Variants in SPINK5 observed in about 807,000 individuals in gnomAD.
SPINK5 encodes serine peptidase inhibitor Kazal type 5, also known as serine protease inhibitor Kazal-type 5.
A neutral mutation model predicts 151.8 loss-of-function variants in SPINK5; 125 were observed. The ratio of observed to expected loss-of-function variants is 0.82; its 90% CI spans 0.71 to 0.96. The LOEUF (loss-of-function observed/expected upper bound fraction) is 0.96. Ranked by LOEUF, SPINK5 falls within the 40% of genes least tolerant of loss-of-function variation. The pLI, the probability that SPINK5 is intolerant of heterozygous loss-of-function variation, is 0.00. For synonymous variants in SPINK5, 374 were observed against 395.3 expected, an observed-to-expected ratio of 0.95 and a Z score of 0.64; for missense variants, 1,194 against 1,291.9, an observed-to-expected ratio of 0.92 and a Z score of 1.16.
In SPINK5 at chr5:148,137,089, T is replaced by C; in HGVS notation, c.*98T>C. ...TATACAAAGAATTCTTCGGAGCTTG[T>C]CTTATTTGCTATAGAAAACAATACA... is the stretch of plus-strand genomic sequence containing the variant. On this transcript the variant is annotated 3_prime_UTR_variant, in exon 33 of 33. Transcript: ENST00000256084. 1.3e-6 allele frequency: 2 copies of C among 1,495,226 alleles called. No homozygotes were observed. Among genetic ancestry groups the C allele is most frequent in the South Asian group, 1.1e-5 (1 of 88,510 alleles). 92.6% of individuals were successfully genotyped at this position (1,495,226 alleles called of 1,614,324 possible).
At chr5:148,114,237 C>T in intron 20 of SPINK5, 125 bp from the exon 21 acceptor site, 1 of 1,106,976 alleles carries the variant, frequency 9.0e-7, no homozygotes, top group South Asian at 1.4e-5. Flanking sequence ...ACTATAACTG[C>T]CAGAAAAAAA....
At chr5:148,126,307 A>AATGATGATGATGATGATG (rs10653454) in intron 29 of SPINK5, among the ~76,000 whole-genome samples, 4 of 150,582 alleles carry the variant, frequency 2.7e-5, no homozygotes, top group African/African-American at 9.7e-5. Flanking sequence ...GGACATTATA[A>AATGATGATGATGATGATG]ATGATGATGA....
At chr5:148,090,557 C>T (rs1753282670) in intron 7 of SPINK5, 1 of 151,772 alleles carries the variant, frequency 6.6e-6, no homozygotes, top group African/African-American at 2.4e-5. Flanking sequence ...GTTTCTTACT[C>T]TGTGGAACTG....
At chr5:148,091,316 C>A in intron 8 of SPINK5, 88 bp downstream of exon 8, 1 of 1,082,224 alleles carries the variant, frequency 9.2e-7, no homozygotes, top group African/African-American at 1.6e-5. Context: ...GAAATAAAGT[C>A]ATTGTCTTTT....
intron 28 of SPINK5, chr5:148,125,055 C>A: frequency 1.6e-6 from 1 of 634,626 alleles, no homozygotes; most frequent in Non-Finnish European, 2.4e-6. Context: ...GAGTGTGTGT[C>A]TATTATTGTT....
At chr5:148,074,266 T>G (rs887707493) in intron 4 of SPINK5, among the ~76,000 whole-genome samples, 2 of 151,792 alleles carry the variant, frequency 1.3e-5, no homozygotes, top group Non-Finnish European at 2.9e-5. Context: ...TATGTCATCC[T>G]TTCATTTCCC....
intron 19 of SPINK5, among the ~76,000 whole-genome samples, chr5:148,112,348 A>G (rs1244431063): frequency 1.3e-5 from 2 of 152,012 alleles, no homozygotes; most frequent in Non-Finnish European, 2.9e-5. Context: ...CTGGTTTGCT[A>G]TGGCATGTGC....
chr5:148,107,297 A>G, intron 17 of SPINK5, 133 bp downstream of exon 17: 1 of 1,222,830 alleles, frequency 8.2e-7, no homozygotes, highest in Non-Finnish European at 1.2e-6. Flanking sequence ...GATGGATAAG[A>G]CATTAAGTAA....
intron 26 of SPINK5, among the ~76,000 whole-genome samples, chr5:148,123,142 A>G (rs1338231763): frequency 2.0e-5 from 3 of 151,504 alleles, no homozygotes; most frequent in Non-Finnish European, 2.9e-5. Context: ...TGAGGCCAAG[A>G]GTTTAAGATC....
At chr5:148,131,585 A>G (rs1220763528) in intron 31 of SPINK5, among the ~76,000 whole-genome samples, 196 bp downstream of exon 31, 2 of 152,220 alleles carry the variant, frequency 1.3e-5, no homozygotes, top group Non-Finnish European at 2.9e-5. Context: ...TTCCTTTGGT[A>G]AATTGCTTAC....
chr5:148,076,252 C>A (rs1336077472), intron 4 of SPINK5, among the ~76,000 whole-genome samples: 1 of 151,492 alleles, frequency 6.6e-6, no homozygotes. Flanking sequence ...CATTAAACTA[C>A]AAAAACATAG....
intron 18 of SPINK5, among the ~76,000 whole-genome samples, chr5:148,110,828 C>T (rs1309855190): frequency 2.0e-5 from 3 of 151,382 alleles, no homozygotes; most frequent in East Asian, 1.9e-4. Flanking sequence ...ATATTATTAG[C>T]CCCCTCATGC....
intron 10 of SPINK5, among the ~76,000 whole-genome samples, chr5:148,097,555 T>C (rs144448515): frequency 1.3e-5 from 2 of 152,200 alleles, no homozygotes; most frequent in East Asian, 1.9e-4. Flanking sequence ...ATTGTACTTG[T>C]ACACACTTAA....
chr5:148,116,513 T>C (rs2113178265), intron 22 of SPINK5, 47 bp downstream of exon 22: 3 of 1,555,912 alleles, frequency 1.9e-6, no homozygotes, highest in Admixed American at 1.7e-5. Flanking sequence ...CTCAACTCCT[T>C]GACAATAGGA....
chr5:148,104,624 G>T (rs529958862), intron 15 of SPINK5, among the ~76,000 whole-genome samples: 3 of 152,036 alleles, frequency 2.0e-5, no homozygotes, highest in Non-Finnish European at 4.4e-5. Flanking sequence ...GGCCAGGCAC[G>T]GTGGCTCACA....
Position 148,137,030 on chromosome 5 carries a change from C to T in SPINK5, c.*39C>T, listed in dbSNP as rs749298056. The T allele has an allele frequency of 6.2e-7, 1 of 1,612,784 alleles. No homozygotes were observed. The highest frequency in any genetic ancestry group is 2.2e-5 in the East Asian group (1 of 44,830). On this transcript the variant is annotated 3_prime_UTR_variant, in exon 33 of 33. Transcript: ENST00000256084. ...GAAAGCCATGAGGGAAAAAATAAAC[C>T]CCAGTTCTGAATCACCTACCTTCAC...
intron 4 of SPINK5, among the ~76,000 whole-genome samples, chr5:148,084,565 T>C (rs6863596): frequency 0.054 from 8,178 of 151,940 alleles, 725 homozygotes; most frequent in African/African-American, 0.18. Flanking sequence ...AGTTAGTACG[T>C]TGCTGTTGAT....
chr5:148,129,583 A>G (rs1754525017), intron 30 of SPINK5, among the ~76,000 whole-genome samples: 1 of 152,188 alleles, frequency 6.6e-6, no homozygotes, highest in Admixed American at 6.5e-5. Context: ...ACCTGAAAAA[A>G]TACAATTGAT....
rs1445177151 is a variant in SPINK5 at position 148,097,960 on chromosome 5, C to T, written c.976C>T (p.His326Tyr). 6.2e-7 allele frequency: 1 copy of T among 1,612,148 alleles called. No homozygotes were observed. Among genetic ancestry groups the T allele is most frequent in the South Asian group, 1.1e-5 (1 of 91,040 alleles). ...DPIRGPDGKM[H>Y]GNLCSMCQAY... is the part of the protein sequence containing the mutation. ...TATTCGTGGTCCAGATGGGAAAATGCATGGCAACTTGTGTTCCATGTGTCA... is the reference window on the plus strand; with the variant it reads ...TATTCGTGGTCCAGATGGGAAAATGTATGGCAACTTGTGTTCCATGTGTCA... Residue 326 changes from histidine (H) to tyrosine (Y), a missense_variant, in exon 11 of 33, where the codon CAT becomes TAT. Transcript: ENST00000256084.
Sources: allele counts gnomAD v4.1 joint callset (sites outside exome capture counted in the v4.1 genomes callset), GRCh38; gene constraint gnomAD v4.1.1; transcripts MANE v1.5; gene names NCBI Gene and HGNC (gene_info 2026-07-23, HGNC 2026-07-21).